The following SLCO5A1 variants were observed in gnomAD, a reference collection of about 807,000 sequenced individuals.
The protein encoded by SLCO5A1 is solute carrier organic anion transporter family member 5A1.
SLCO5A1 carries 39 observed loss-of-function variants against 65.1 expected under a neutral mutation model. The observed-to-expected ratio is 0.60, with a 90% CI of 0.46 to 0.78. The LOEUF (loss-of-function observed/expected upper bound fraction) is 0.78, where lower values mean the gene tolerates loss of function less well. SLCO5A1 is among the 30% of genes least tolerant of loss of function. The probability of loss-of-function intolerance (pLI) is 0.00; values close to 1 mark genes in which losing one functional copy is unlikely to be tolerated. For missense variants in SLCO5A1, 1,029 were observed against 1,069.4 expected, an observed-to-expected ratio of 0.96 and a Z score of 0.53; for synonymous variants, 438 against 415.7, an observed-to-expected ratio of 1.05 and a Z score of -0.65.
At chr8:69,688,969 T>A (rs1194772826) in intron 6 of SLCO5A1, among the ~76,000 whole-genome samples, 1 of 151,440 alleles carries the variant, frequency 6.6e-6, no homozygotes, top group African/African-American at 2.4e-5. Flanking sequence ...GTAAAAGTGT[T>A]CCTATTTCTC....
chr8:69,738,140 G>T lies in SLCO5A1; in HGVS notation c.1323C>A (p.Tyr441Ter). 1 of 1,613,846 alleles carries T rather than the reference G, an allele frequency of 6.2e-7. No individual in the cohort carries two copies. The highest frequency in any genetic ancestry group is 8.5e-7 in the Non-Finnish European group (1 of 1,179,832). ...CAGTTACAATGGCACTCTCAGCTGTGTATGACAAACTCACAAAAAGGAATG... is the reference window on the plus strand; with the variant it reads ...CAGTTACAATGGCACTCTCAGCTGTTTATGACAAACTCACAAAAAGGAATG... ...NMTFLFVSLSYTAESAIVTAF... is the reference protein window; with the variant it reads ...NMTFLFVSLS The change falls in exon 5 of 10, where the codon TAC (tyrosine) becomes TAA (stop). Residue 441 changes from tyrosine to a stop codon, truncating the protein, a stop_gained. Transcript: ENST00000260126. LOFTEE classifies it high-confidence loss of function.
At chr8:69,687,288 T>A (rs753731433) in intron 6 of SLCO5A1, among the ~76,000 whole-genome samples, 21 of 152,224 alleles carry the variant, frequency 1.4e-4, no homozygotes, top group Non-Finnish European at 2.4e-4. Context: ...CCCTCCTGAC[T>A]ACACGAAGGA....
intron 2 of SLCO5A1, among the ~76,000 whole-genome samples, chr8:69,796,226 C>A (rs145324498): frequency 7.6e-4 from 116 of 152,100 alleles, no homozygotes; most frequent in African/African-American, 2.7e-3. Context: ...TGACTGAATT[C>A]CTCCCTAGAA....
intron 2 of SLCO5A1, among the ~76,000 whole-genome samples, chr8:69,817,176 C>T (rs1296576883): frequency 6.6e-6 from 1 of 152,166 alleles, no homozygotes; most frequent in Non-Finnish European, 1.5e-5. Flanking sequence ...CTTCCCTTGG[C>T]CCCTGGCAAC....
At chr8:69,787,317 C>A (rs1184898193) in intron 2 of SLCO5A1, among the ~76,000 whole-genome samples, 2 of 152,326 alleles carry the variant, frequency 1.3e-5, no homozygotes, top group Middle Eastern at 6.8e-3. Context: ...GCCACATGAT[C>A]GTTGCAATTG....
At position 69,682,223 on chromosome 8, in the gene SLCO5A1, A is replaced by T. The variant is rs978896707; in HGVS notation, c.1743T>A (p.Cys581Ter). The T allele has an allele frequency of 6.2e-7, 1 of 1,613,064 alleles. No homozygotes were observed. The highest frequency in any genetic ancestry group is 8.5e-7 in the Non-Finnish European group (1 of 1,179,630). The change falls in exon 7 of 10, where the codon TGT becomes TGA. Residue 581 changes from cysteine (C) to a stop codon, truncating the protein, a stop_gained. Coordinates refer to ENST00000260126, the MANE Select transcript of SLCO5A1 (RefSeq NM_030958.3). LOFTEE classifies it high-confidence loss of function. ...GSDGITYFNP[C>*]LAGCVNSGNL... ...TACCACTATTAACACAGCCAGCCAG[A>T]CAAGGGTTAAAGTATGTAATTCCAT...
chr8:69,826,539 A>G (rs1820924295), intron 2 of SLCO5A1, among the ~76,000 whole-genome samples: 1 of 152,216 alleles, frequency 6.6e-6, no homozygotes, highest in Non-Finnish European at 1.5e-5. Context: ...AATGCTCACC[A>G]TCACTGGCCA....
At chr8:69,817,650 G>A (rs1820462701) in intron 2 of SLCO5A1, among the ~76,000 whole-genome samples, 1 of 152,140 alleles carries the variant, frequency 6.6e-6, no homozygotes, top group Admixed American at 6.6e-5. Flanking sequence ...GAGGTTAAAT[G>A]AGATGATCTC....
intron 2 of SLCO5A1, among the ~76,000 whole-genome samples, chr8:69,787,484 C>T (rs1335726111): frequency 6.6e-6 from 1 of 152,162 alleles, no homozygotes; most frequent in Non-Finnish European, 1.5e-5. Context: ...AGCCTAAACC[C>T]TTAAAGCTGG....
chr8:69,722,028 C>T (rs1455359628), intron 5 of SLCO5A1, among the ~76,000 whole-genome samples: 2 of 152,010 alleles, frequency 1.3e-5, no homozygotes, highest in Admixed American at 1.3e-4. Context: ...AAAAACTAGC[C>T]AGGCATGGTG....
chr8:69,707,993 G>C (rs2130813043), intron 5 of SLCO5A1, among the ~76,000 whole-genome samples: 1 of 152,256 alleles, frequency 6.6e-6, no homozygotes, highest in South Asian at 2.1e-4. Flanking sequence ...TTATAGCCAG[G>C]AGATGAATTC....
At chr8:69,788,985 C>T (rs1328275739) in intron 2 of SLCO5A1, among the ~76,000 whole-genome samples, 1 of 152,220 alleles carries the variant, frequency 6.6e-6, no homozygotes, top group African/African-American at 2.4e-5. Flanking sequence ...AAGGATACCA[C>T]ACCCTGTGCT....
intron 5 of SLCO5A1, among the ~76,000 whole-genome samples, chr8:69,733,441 A>G (rs1226217222): frequency 1.3e-5 from 2 of 152,218 alleles, no homozygotes; most frequent in African/African-American, 4.8e-5. Context: ...TAGGGAGGAA[A>G]GTGACTTGAC....
chr8:69,801,890 A>G (rs563719905), intron 2 of SLCO5A1, among the ~76,000 whole-genome samples: 1 of 152,346 alleles, frequency 6.6e-6, no homozygotes, highest in East Asian at 1.9e-4. Context: ...ATGCAAGAGC[A>G]AAGTCTCAAA....
intron 2 of SLCO5A1, among the ~76,000 whole-genome samples, chr8:69,830,782 T>C (rs764367093): frequency 6.6e-5 from 10 of 152,164 alleles, no homozygotes; most frequent in Non-Finnish European, 1.3e-4. Flanking sequence ...TGCTGACTTA[T>C]GCAAGTCAAC....
chr8:69,712,841 T>TTATTATATAAAA (rs1815333567), intron 5 of SLCO5A1, among the ~76,000 whole-genome samples: 1 of 148,216 alleles, frequency 6.7e-6, no homozygotes, highest in Non-Finnish European at 1.5e-5. Flanking sequence ...AACTTTGAAT[T>TTATTATATAAAA]TATTATATAA....
At chr8:69,750,175 G>T (rs144880782) in intron 4 of SLCO5A1, among the ~76,000 whole-genome samples, 2 of 152,336 alleles carry the variant, frequency 1.3e-5, no homozygotes, top group East Asian at 1.9e-4. Context: ...TGAGCTGGGA[G>T]ACCACAGAGC....
At chr8:69,789,499 ATGAAACAGTGGTTACCACCTGT>A (rs1296883309) in intron 2 of SLCO5A1, among the ~76,000 whole-genome samples, 2 of 152,240 alleles carry the variant, frequency 1.3e-5, no homozygotes, top group Non-Finnish European at 2.9e-5. Flanking sequence ...CAGAAAGAGA[ATGAAACAGTGGTTACCACCTGT>A]TGGGTGGGGG....
At chr8:69,732,540 T>C (rs1816380182) in intron 5 of SLCO5A1, among the ~76,000 whole-genome samples, 1 of 152,188 alleles carries the variant, frequency 6.6e-6, no homozygotes, top group Non-Finnish European at 1.5e-5. Context: ...GACAACAGCA[T>C]ATACGTATTA....
Sources: allele counts gnomAD v4.1 joint callset (sites outside exome capture counted in the v4.1 genomes callset), GRCh38; gene constraint gnomAD v4.1.1; transcripts MANE v1.5; gene names NCBI Gene and HGNC (gene_info 2026-07-23, HGNC 2026-07-21).